PTPRC: variants seen among roughly 807,000 people sequenced by gnomAD.
The protein encoded by PTPRC is protein tyrosine phosphatase receptor type C, also known as receptor-type tyrosine-protein phosphatase C.
PTPRC carries 44 observed loss-of-function variants against 155.9 expected under a neutral mutation model. The observed-to-expected ratio is 0.28, with a 90% confidence interval of 0.22 to 0.36. The LOEUF (loss-of-function observed/expected upper bound fraction) is 0.36. Among genes scored for constraint, PTPRC ranks in the 10% least tolerant of loss-of-function variants. PTPRC has a pLI of 1.00. For missense variants in PTPRC, 1,401 were observed against 1,564.6 expected (o/e 0.90, Z 1.76); for synonymous variants, 525 against 533.1 (o/e 0.98, Z 0.21).
chr1:198,751,530 T>C (rs1484032616), intron 29 of PTPRC, among the ~76,000 whole-genome samples: 2 of 152,138 alleles, frequency 1.3e-5, no homozygotes, highest in South Asian at 2.1e-4. Flanking sequence ...AGTTGCTTTT[T>C]ATGTTTTTTG....
chr1:198,748,002 A>C (rs907932955), intron 26 of PTPRC, 107 bp from the exon 27 acceptor site: 1 of 1,487,998 alleles, frequency 6.7e-7, no homozygotes, highest in Non-Finnish European at 9.0e-7. Flanking sequence ...GCATATGCAA[A>C]TTTCACAAAA....
rs201177846 is a variant in PTPRC at position 198,709,843 on chromosome 1, T to G, written c.1171+19T>G. ...TTTGGGAGTGAGTATGTTACTTGCA[T>G]TTATATGTAAAATTGCTTCTCTCTT... On this transcript the variant is annotated intron_variant, in intron 11 of 32. Transcript: ENST00000442510. 9.4e-5 allele frequency: 151 copies of G among 1,608,088 alleles called. No individual in the cohort carries two copies. The Middle Eastern group carries it at 1.9e-3, about 21-fold the overall frequency.
intron 29 of PTPRC, among the ~76,000 whole-genome samples, chr1:198,751,967 A>T (rs963229820): frequency 6.6e-6 from 1 of 151,994 alleles, no homozygotes; most frequent in African/African-American, 2.4e-5. Context: ...AACCTCAAAG[A>T]CCTACACTAA....
chr1:198,669,062 G>T (rs1387369614), intron 2 of PTPRC, among the ~76,000 whole-genome samples: 1 of 152,164 alleles, frequency 6.6e-6, no homozygotes, highest in East Asian at 1.9e-4. Flanking sequence ...TCAGTCTAAT[G>T]GTAATAGTTA....
At chr1:198,751,265 A>G (rs1237546294) in intron 29 of PTPRC, among the ~76,000 whole-genome samples, 1 of 151,888 alleles carries the variant, frequency 6.6e-6, no homozygotes, top group African/African-American at 2.4e-5. Context: ...TCTAAGCTAT[A>G]ATTTGATTTT....
chr1:198,665,153 A>G (rs1462135891), intron 2 of PTPRC, among the ~76,000 whole-genome samples: 3 of 133,002 alleles, frequency 2.3e-5, no homozygotes, highest in African/African-American at 5.7e-5. Context: ...GCAGTGGTGC[A>G]ATCGCGGCTC....
In PTPRC at chr1:198,718,277, A is replaced by G. The variant is rs961295368; in HGVS notation, c.1634A>G (p.Gln545Arg). Residue 545 changes from glutamine to arginine, a missense_variant, in exon 14 of 33, where the codon CAA becomes CGA. Coordinates refer to ENST00000442510, the MANE Select transcript of PTPRC (RefSeq NM_002838.5). Reference protein sequence around the residue: ...KNCDFRVKDLQYSTDYTFKAY... With the variant: ...KNCDFRVKDLRYSTDYTFKAY... Reference sequence around the variant, plus strand: ...TGCGATTTCCGTGTAAAAGATCTTCAATATTCAACAGACTACACTTTTAAG... The same window carrying G: ...TGCGATTTCCGTGTAAAAGATCTTCGATATTCAACAGACTACACTTTTAAG... The G allele has an allele frequency of 3.1e-6, 5 of 1,613,384 alleles. No homozygotes were observed. In the Admixed American group the frequency reaches 8.3e-5, roughly 27 times the overall value.
chr1:198,705,089 C>T (rs1490308056), intron 8 of PTPRC, among the ~76,000 whole-genome samples: 2 of 151,808 alleles, frequency 1.3e-5, no homozygotes, highest in African/African-American at 4.8e-5. Flanking sequence ...GGGGCTGGCT[C>T]AAAGCAGATA....
chr1:198,687,471 T>C (rs932475071), intron 2 of PTPRC, among the ~76,000 whole-genome samples: 4 of 152,108 alleles, frequency 2.6e-5, no homozygotes, highest in Admixed American at 6.6e-5. Context: ...ATTGCAGATA[T>C]TTGGTTTTAT....
At chr1:198,713,116 G>T (rs202010271) in intron 12 of PTPRC, 44 bp downstream of exon 12, 4 of 1,611,392 alleles carry the variant, frequency 2.5e-6, no homozygotes, top group Non-Finnish European at 3.4e-6. Flanking sequence ...GAGAAATCAA[G>T]AATTTGAAAG....
chr1:198,752,172 A>G (rs1471870292), intron 29 of PTPRC, 77 bp from the exon 30 acceptor site: 3 of 1,479,712 alleles, frequency 2.0e-6, no homozygotes, highest in African/African-American at 2.8e-5. Context: ...CAGAGAAAGA[A>G]AGGGAGAAAG....
At chr1:198,752,437 A>G (rs1046693805) in intron 30 of PTPRC, 66 bp downstream of exon 30, 3 of 1,586,428 alleles carry the variant, frequency 1.9e-6, no homozygotes, top group Non-Finnish European at 2.6e-6. Flanking sequence ...ATGAATATAA[A>G]TTACTCTATG....
intron 31 of PTPRC, among the ~76,000 whole-genome samples, chr1:198,753,167 CTAATATGTTTAATGAACACAAAGTT>C (rs1169862473): frequency 6.6e-6 from 1 of 151,756 alleles, no homozygotes; most frequent in African/African-American, 2.4e-5. Flanking sequence ...ACAAAGACAC[CTAATATGTTTAATGAACACAAAGTT>C]TATTAAACAT....
At chr1:198,671,000 G>A (rs1177734768) in intron 2 of PTPRC, among the ~76,000 whole-genome samples, 6 of 151,890 alleles carry the variant, frequency 4.0e-5, no homozygotes, top group African/African-American at 1.5e-4. Context: ...ATATACTTAG[G>A]TGATGTACAA....
chr1:198,682,105 C>A (rs1442435344), intron 2 of PTPRC, among the ~76,000 whole-genome samples: 1 of 152,214 alleles, frequency 6.6e-6, no homozygotes, highest in Non-Finnish European at 1.5e-5. Flanking sequence ...CTGCTGTTAG[C>A]TTTTAGCTGT....
At chr1:198,692,491 C>A in intron 3 of PTPRC, 118 bp downstream of exon 3, 2 of 1,131,298 alleles carry the variant, frequency 1.8e-6, no homozygotes, top group East Asian at 3.1e-5. Context: ...ATTTTATAAT[C>A]ATGAGTGATT....
chr1:198,642,892 T>TTTTCTTTCTTCCTTCC lies in PTPRC; in HGVS notation c.73+3561_73+3562insCCTTCCTTTCTTTCTT, dbSNP rs1287327143. Reference sequence around the variant, plus strand: ...TGGAGCTGGGAAGGGATCTTTTTTCTTTTCTTTCTTTCTTCCTTTCTTTCT... The same window carrying TTTTCTTTCTTCCTTCC: ...TGGAGCTGGGAAGGGATCTTTTTTCTTTTCTTTCTTCCTTCCTTTCTTTCTTTCTTCCTTTCTTTCT... On this transcript the variant is annotated intron_variant, in intron 2 of 32. Transcript: ENST00000442510. Among the ~76,000 whole-genome samples the TTTTCTTTCTTCCTTCC allele has an allele frequency of 3.4e-3, 400 of 119,160 alleles. 1 individual carries two copies. The highest frequency in any genetic ancestry group is 3.7e-3 in the Non-Finnish European group (207 of 55,880). 78.2% of individuals were successfully genotyped at this position (119,160 alleles called of 152,430 possible). A position where few individuals can be genotyped will look rare whatever the true frequency, so the allele number is the denominator to read the frequency against.
chr1:198,675,816 C>T (rs1366463260), intron 2 of PTPRC, among the ~76,000 whole-genome samples: 1 of 152,062 alleles, frequency 6.6e-6, no homozygotes, highest in Non-Finnish European at 1.5e-5. Context: ...AGGTCAGGGG[C>T]TATATTCTCG....
chr1:198,694,182 T>C, intron 3 of PTPRC: 1 of 1,483,054 alleles, frequency 6.7e-7, no homozygotes, highest in Non-Finnish European at 9.0e-7. Context: ...TGGAGTCTGA[T>C]GTTCAAGAGC....
Sources: gnomAD v4.1 joint callset for allele counts (sites outside exome capture counted in the v4.1 genomes callset) on GRCh38, gnomAD v4.1.1 for gene constraint, MANE v1.5 for transcripts, NCBI Gene and HGNC (gene_info 2026-07-23, HGNC 2026-07-21) for gene names.